The following SPIN1 variants were observed in gnomAD, a reference collection of about 807,000 sequenced individuals.
SPIN1 encodes the protein spindlin-1.
SPIN1 carries 3 observed loss-of-function variants against 26.0 expected under a neutral mutation model. The ratio of observed to expected loss-of-function variants is 0.12; its 90% CI spans 0.05 to 0.30. The LOEUF (loss-of-function observed/expected upper bound fraction) is 0.30. Among genes scored for constraint, SPIN1 ranks in the 10% least tolerant of loss-of-function variants. SPIN1 has a pLI of 1.00. For synonymous variants in SPIN1, 101 were observed against 116.5 expected (o/e 0.87, Z 0.86); for missense variants, 126 against 333.4 (o/e 0.38, Z 4.84).
At chr9:88,455,021 A>G (rs181455656) in intron 3 of SPIN1, among the ~76,000 whole-genome samples, 2,300 of 152,352 alleles carry the variant, frequency 0.015, 31 homozygotes, top group Non-Finnish European at 0.023. Context: ...TGGAAACAAT[A>G]AAATTACATT....
chr9:88,458,735 G>C (rs1011966188), intron 3 of SPIN1, among the ~76,000 whole-genome samples: 1 of 152,182 alleles, frequency 6.6e-6, no homozygotes, highest in Non-Finnish European at 1.5e-5. Context: ...GGCTAATGCA[G>C]TTGGGACTGA....
At chr9:88,451,918 T>C (rs892029216) in intron 3 of SPIN1, among the ~76,000 whole-genome samples, 19 of 152,302 alleles carry the variant, frequency 1.2e-4, no homozygotes, top group African/African-American at 4.6e-4. Context: ...CAAATTTATT[T>C]CTAGTGGTTC....
chr9:88,401,553 C>G (rs977982428), intron 1 of SPIN1, among the ~76,000 whole-genome samples: 2 of 152,160 alleles, frequency 1.3e-5, no homozygotes, highest in African/African-American at 4.8e-5. Flanking sequence ...CTCTAAATTA[C>G]TCCTAGTATG....
At chr9:88,406,704 T>C (rs370954656) in intron 1 of SPIN1, among the ~76,000 whole-genome samples, 6 of 152,330 alleles carry the variant, frequency 3.9e-5, no homozygotes, top group African/African-American at 1.4e-4. Flanking sequence ...ATAAGTACTT[T>C]CTGCCTATCA....
At chr9:88,423,635 C>T (rs929326540) in intron 1 of SPIN1, among the ~76,000 whole-genome samples, 3 of 151,548 alleles carry the variant, frequency 2.0e-5, no homozygotes, top group African/African-American at 4.9e-5. Context: ...GACCGGGTCT[C>T]GAACTCCTGG....
In SPIN1 at chr9:88,408,204, G is replaced by A. The variant is rs547942543; in HGVS notation, c.-158-18178G>A. 1.6e-3 allele frequency among the ~76,000 whole-genome samples: 242 copies of A among 151,500 alleles called. 1 individual carries two copies. Among genetic ancestry groups the A allele is most frequent in the Non-Finnish European group, 2.9e-3 (197 of 67,882 alleles). On this transcript the variant is annotated intron_variant, in intron 1 of 5. Transcript: ENST00000375859. The stretch of plus-strand genomic sequence containing the variant: ...CTTAGGTTTTATTGAACCCATGGTG[G>A]GATGTCTTTCATTAGTTTCGAAAAG...
At chr9:88,406,359 C>A (rs868532474) in intron 1 of SPIN1, among the ~76,000 whole-genome samples, 1 of 151,052 alleles carries the variant, frequency 6.6e-6, no homozygotes, top group Non-Finnish European at 1.5e-5. Context: ...GGCGCAGACT[C>A]GGTTCACTGC....
intron 1 of SPIN1, among the ~76,000 whole-genome samples, chr9:88,421,299 G>T (rs1827661872): frequency 6.6e-6 from 1 of 152,136 alleles, no homozygotes; most frequent in Non-Finnish European, 1.5e-5. Flanking sequence ...ATGTGTGTGT[G>T]TGTGTGTCTG....
intron 1 of SPIN1, among the ~76,000 whole-genome samples, chr9:88,407,938 G>T (rs1438110542): frequency 6.6e-6 from 1 of 151,578 alleles, no homozygotes; most frequent in East Asian, 2.0e-4. Context: ...ATTTTTTGTG[G>T]TTTTTGTACA....
At chr9:88,473,589 G>A (rs1330223192) in intron 5 of SPIN1, among the ~76,000 whole-genome samples, 1 of 151,970 alleles carries the variant, frequency 6.6e-6, no homozygotes, top group South Asian at 2.1e-4. Context: ...CTGCAATTCT[G>A]CATCGCTTTT....
intron 3 of SPIN1, among the ~76,000 whole-genome samples, chr9:88,455,034 G>A (rs1173780951): frequency 6.6e-6 from 1 of 152,168 alleles, no homozygotes; most frequent in African/African-American, 2.4e-5. Flanking sequence ...ATTACATTCT[G>A]AAAGAATTGC....
chr9:88,469,566 G>A (rs767752589), intron 5 of SPIN1, among the ~76,000 whole-genome samples: 6 of 151,438 alleles, frequency 4.0e-5, no homozygotes, highest in Admixed American at 1.3e-4. Flanking sequence ...CTGGGCTGGA[G>A]TGTAATGGTG....
chr9:88,405,858 G>T (rs952902904), intron 1 of SPIN1, among the ~76,000 whole-genome samples: 11 of 151,036 alleles, frequency 7.3e-5, no homozygotes, highest in Non-Finnish European at 1.6e-4. Flanking sequence ...TTGTTTTTGA[G>T]ACAGGGTCTC....
intron 1 of SPIN1, among the ~76,000 whole-genome samples, chr9:88,401,294 A>G (rs1420505691): frequency 2.0e-5 from 3 of 152,216 alleles, no homozygotes; most frequent in African/African-American, 7.2e-5. Flanking sequence ...GAGTTAAGGT[A>G]GAGTAAATGA....
intron 2 of SPIN1, among the ~76,000 whole-genome samples, chr9:88,433,123 A>T (rs996157039): frequency 6.6e-6 from 1 of 150,806 alleles, no homozygotes; most frequent in Non-Finnish European, 1.5e-5. Flanking sequence ...CGTGTCACCC[A>T]GTCTGGAGCA....
chr9:88,453,108 T>A lies in SPIN1; in HGVS notation c.101+4119T>A, dbSNP rs184020822. ...TAGGTAAAAAGATGAAAGGTCGTTT[T>A]CCTTTCCTTTCCCTTTCCCTTTGCT... On this transcript the variant is annotated intron_variant, in intron 3 of 5. Transcript: ENST00000375859. Among the ~76,000 whole-genome samples the A allele has an allele frequency of 2.1e-3, 327 of 152,340 alleles. 1 individual carries two copies. The highest frequency in any genetic ancestry group is 7.7e-3 in the African/African-American group (320 of 41,584).
chr9:88,474,240 CAG>C (rs1387068194), intron 5 of SPIN1, among the ~76,000 whole-genome samples: 2 of 152,212 alleles, frequency 1.3e-5, no homozygotes, highest in African/African-American at 2.4e-5. Flanking sequence ...AGAACCCATG[CAG>C]AGTTTCTTAA....
chr9:88,457,828 T>C, intron 3 of SPIN1: 1 of 981,560 alleles, frequency 1.0e-6, no homozygotes, highest in African/African-American at 1.7e-5. Context: ...GAGAAAAAAA[T>C]GTGAAAATAC....
chr9:88,439,600 A>G (rs906565227), intron 2 of SPIN1, among the ~76,000 whole-genome samples: 2 of 152,186 alleles, frequency 1.3e-5, no homozygotes, highest in African/African-American at 4.8e-5. Flanking sequence ...CCTTCAGTGG[A>G]GTTAATCTGT....
Sources: gnomAD v4.1 joint callset for allele counts (sites outside exome capture counted in the v4.1 genomes callset) on GRCh38, gnomAD v4.1.1 for gene constraint, MANE v1.5 for transcripts, NCBI Gene and HGNC (gene_info 2026-07-23, HGNC 2026-07-21) for gene names.